MTOR: variants seen among roughly 807,000 people sequenced by gnomAD.
MTOR encodes mechanistic target of rapamycin kinase.
In MTOR, 70 loss-of-function variants were observed where a neutral mutation model predicts 319.8. The observed-to-expected ratio is 0.22, with a 90% CI of 0.18 to 0.27. The LOEUF is 0.27. MTOR is among the 10% of genes least tolerant of loss of function. The pLI, the probability that MTOR is intolerant of heterozygous loss-of-function variation, is 1.00. For synonymous variants in MTOR, 1,183 were observed against 1,211.4 expected (o/e 0.98, Z 0.49); for missense variants, 1,890 against 3,274.4 (o/e 0.58, Z 10.32).
At chr1:11,238,746 G>A (rs1039023725) in intron 11 of MTOR, 129 bp from the exon 12 acceptor site, 41 of 717,472 alleles carry the variant, frequency 5.7e-5, no homozygotes, top group African/African-American at 3.6e-5. Flanking sequence ...TGATCAATAC[G>A]ATACTGACCC....
rs1285698221 is a variant in MTOR at position 11,172,253 on chromosome 1, A to C, written c.4254-4736T>G. Among the ~76,000 whole-genome samples the C allele has an allele frequency of 2.6e-5, 4 of 152,126 alleles. No individual in the cohort carries two copies. In the East Asian group the frequency reaches 7.8e-4, roughly 30 times the overall value. On this transcript the variant is annotated intron_variant, in intron 28 of 57. Transcript: ENST00000361445. ...AGCTCTTATTGAGCAGTAAGAACAT[A>C]ATCATTAAAAAATTACAACTTTGGC...
intron 5 of MTOR, 43 bp downstream of exon 5, chr1:11,255,949 C>T (rs2100974503): frequency 2.5e-6 from 4 of 1,583,760 alleles, no homozygotes; most frequent in Non-Finnish European, 3.5e-6. Flanking sequence ...ATTCTCTACG[C>T]AGATGTGCTT....
In MTOR at chr1:11,114,823, T is replaced by C. The variant is rs754231875; in HGVS notation, c.7154A>G (p.Asn2385Ser). ...CCGATATCCACTCACCTCCATAGCA[T>C]TGGTCAACATTCTTGTTAGTCTAAA... Reference protein sequence around the residue: ...IPFRLTRMLTNAMEVTGLDGN... With the variant: ...IPFRLTRMLTSAMEVTGLDGN... The change falls in exon 52 of 58, where the codon AAT becomes AGT. Residue 2385 changes from asparagine to serine, a missense_variant. By Grantham distance (46) the Asn-to-Ser change is conservative. Transcript: ENST00000361445. 2 of 1,614,126 alleles carry C rather than the reference T, an allele frequency of 1.2e-6. No homozygotes were observed. Among genetic ancestry groups the C allele is most frequent in the Non-Finnish European group, 1.7e-6 (2 of 1,179,988 alleles).
rs576733926 is a variant in MTOR, at chr1:11,209,368, G to A, written c.3745C>T (p.Pro1249Ser). 2 of 1,614,148 alleles carry A rather than the reference G, an allele frequency of 1.2e-6. No individual in the cohort carries two copies. Among genetic ancestry groups the A allele is most frequent in the Admixed American group, 1.7e-5 (1 of 60,022 alleles). ...TTCTTCATGGGTCCTGTTTCCACTG[G>A]TCCACTAGCCAATGCATCCCCTTGG... ...SGQGDALASG[P>S]VETGPMKKLH... Residue 1249 changes from proline to serine, a missense_variant, in exon 25 of 58, where the codon CCA becomes TCA. Physicochemically the swap from Pro to Ser is moderately conservative, Grantham distance 74. This residue lies in a region of MTOR where 115 missense variants were observed against 105.7 expected (regional missense o/e 1.09). Transcript: ENST00000361445.
intron 28 of MTOR, among the ~76,000 whole-genome samples, chr1:11,175,750 T>C (rs1015344567): frequency 6.6e-6 from 1 of 150,954 alleles, no homozygotes; most frequent in African/African-American, 2.4e-5. Context: ...TAGCAGGTTT[T>C]TTTTTTTTTT....
chr1:11,127,504 A>C lies in MTOR; in HGVS notation c.6216+120T>G. Reference sequence around the variant, plus strand: ...TCAGTGGAAAGGCCAGAGGAAAAGAAATCTGACAAAGGCCTTGGGTCACGT... The same window carrying C: ...TCAGTGGAAAGGCCAGAGGAAAAGACATCTGACAAAGGCCTTGGGTCACGT... On this transcript the variant is annotated intron_variant, in intron 44 of 57. Coordinates refer to ENST00000361445, the MANE Select transcript of MTOR (RefSeq NM_004958.4). This position sits in a 1 kb window ranked among gnomAD's most constrained non-coding sequence, Gnocchi z 5.5. 1 of 1,217,534 alleles carries C rather than the reference A, an allele frequency of 8.2e-7. No homozygotes were observed. Among genetic ancestry groups the C allele is most frequent in the Non-Finnish European group, 1.1e-6 (1 of 886,016 alleles). 75.4% of individuals were successfully genotyped at this position (1,217,534 alleles called of 1,614,324 possible). A position where few individuals can be genotyped will look rare whatever the true frequency, so the allele number is the denominator to read the frequency against.
At chr1:11,137,915 T>C (rs1190850491) in intron 36 of MTOR, among the ~76,000 whole-genome samples, 1 of 152,232 alleles carries the variant, frequency 6.6e-6, no homozygotes, top group Non-Finnish European at 1.5e-5. Flanking sequence ...TCTTGCTCAG[T>C]AGCACAATTA....
In MTOR at chr1:11,128,923, G is replaced by A; in HGVS notation, c.5743C>T (p.His1915Tyr). The change falls in exon 41 of 58, where the codon CAC becomes TAC. Residue 1915 changes from histidine (H) to tyrosine (Y), a missense_variant. Physicochemically the swap from His to Tyr is moderately conservative, Grantham distance 83. Transcript: ENST00000361445. The surrounding 1 kb of genome is among the most constrained non-coding windows in gnomAD (Gnocchi z 5.3). Reference sequence around the variant, plus strand: ...AAGGCCTCATTGACATCTGGCCAGTGACCATAATCAAACCATAAGGTGAGA... The same window carrying A: ...AAGGCCTCATTGACATCTGGCCAGTAACCATAATCAAACCATAAGGTGAGA... ...RVLTLWFDYGHWPDVNEALVE... is the reference protein window; with the variant it reads ...RVLTLWFDYGYWPDVNEALVE... 6.2e-7 allele frequency: 1 copy of A among 1,613,772 alleles called. No homozygotes were observed. Among genetic ancestry groups the A allele is most frequent in the Non-Finnish European group, 8.5e-7 (1 of 1,179,856 alleles).
rs1212277248 is a variant in MTOR, at chr1:11,133,290, C to T, written c.5247-93G>A. On this transcript the variant is annotated intron_variant, in intron 37 of 57. Coordinates refer to ENST00000361445, the MANE Select transcript of MTOR (RefSeq NM_004958.4). This position sits in a 1 kb window ranked among gnomAD's most constrained non-coding sequence, Gnocchi z 4.0. ...ATTGTTAGGGGACACTGAAGCCCTT[C>T]TGGTATTTCCTCTTATTCTCAAGAG... 9.2e-7 allele frequency: 1 copy of T among 1,092,348 alleles called. No individual in the cohort carries two copies. Among genetic ancestry groups the T allele is most frequent in the Non-Finnish European group, 1.4e-6 (1 of 726,696 alleles). 67.7% of individuals were successfully genotyped at this position (1,092,348 alleles called of 1,614,324 possible).
At position 11,247,939 on chromosome 1, in the gene MTOR, C is replaced by A; in HGVS notation, c.996G>T (p.Gly332=). The A allele has an allele frequency of 6.2e-7, 1 of 1,614,148 alleles. No homozygotes were observed. The highest frequency in any genetic ancestry group is 8.5e-7 in the Non-Finnish European group (1 of 1,180,028). The change falls in exon 7 of 58, where the codon GGG becomes GGT. Residue 332 remains glycine, a synonymous_variant. Coordinates refer to ENST00000361445, the MANE Select transcript of MTOR (RefSeq NM_004958.4). The part of the protein sequence containing the change: ...VQPQQSNALV[G]LLGYSSHQGL... ...CTTGGTGAGAGCTGTACCCCAGCAG[C>A]CCCACCAAGGCATTTGACTGCTGGG...
chr1:11,220,065 G>GAAAAAAAAAA (rs143599037), intron 19 of MTOR, among the ~76,000 whole-genome samples: 1 of 107,836 alleles, frequency 9.3e-6, no homozygotes, highest in Admixed American at 1.4e-4. Flanking sequence ...AGAAAAGAAA[G>GAAAAAAAAAA]AAAAAAAAAA....
chr1:11,138,546 A>C (rs971749647), intron 36 of MTOR, among the ~76,000 whole-genome samples: 10 of 152,190 alleles, frequency 6.6e-5, no homozygotes, highest in African/African-American at 2.4e-4. Context: ...CTATTTTATG[A>C]GATCTTCCCA....
chr1:11,160,092 A>ATTTATTTAT (rs1295859318), intron 29 of MTOR, among the ~76,000 whole-genome samples: 1 of 150,374 alleles, frequency 6.7e-6, no homozygotes, highest in Non-Finnish European at 1.5e-5. Flanking sequence ...TTATTTATTT[A>ATTTATTTAT]TTTATTTATT....
chr1:11,163,048 T>C (rs1644528368), intron 29 of MTOR, among the ~76,000 whole-genome samples: 1 of 152,084 alleles, frequency 6.6e-6, no homozygotes, highest in Non-Finnish European at 1.5e-5. Context: ...CCATCTCACG[T>C]GCAGACACAC....
At chr1:11,243,353 A>G (rs2100923195) in intron 8 of MTOR, 53 bp from the exon 9 acceptor site, 1 of 1,527,578 alleles carries the variant, frequency 6.5e-7, no homozygotes, top group Admixed American at 2.0e-5. Flanking sequence ...TAGGGTCTAC[A>G]TATCAACAGT....
chr1:11,134,589 G>T, intron 36 of MTOR, 123 bp from the exon 37 acceptor site: 1 of 737,626 alleles, frequency 1.4e-6, no homozygotes, highest in Non-Finnish European at 2.4e-6. Context: ...CTAGAGCACA[G>T]AATGATGACC....
rs993638733 is a variant in MTOR, at chr1:11,230,995, A to G, written c.2709T>C (p.Ile903=). The change falls in exon 18 of 58, where the codon ATT becomes ATC. Residue 903 remains isoleucine, a synonymous_variant. Transcript: ENST00000361445. The part of the protein sequence containing the change: ...ALDPYKHKVN[I]GMIDQSRDAS... ...CATCCCGGGACTGGTCTATCATGCC[A>G]ATGTTCACTTTGTGCTTGTAAGGAT... 13 of 1,614,160 alleles carry G rather than the reference A, an allele frequency of 8.1e-6. No individual in the cohort carries two copies. Among genetic ancestry groups the G allele is most frequent in the Non-Finnish European group, 1.1e-5 (13 of 1,180,034 alleles).
At chr1:11,151,547 G>T (rs569742598) in intron 30 of MTOR, among the ~76,000 whole-genome samples, 1 of 152,276 alleles carries the variant, frequency 6.6e-6, no homozygotes, top group Admixed American at 6.5e-5. Flanking sequence ...TCAGATGGCT[G>T]GGCTCCACCC....
intron 31 of MTOR, among the ~76,000 whole-genome samples, chr1:11,147,121 C>G (rs2100521773): frequency 6.6e-6 from 1 of 152,322 alleles, no homozygotes; most frequent in East Asian, 1.9e-4. Context: ...AGAACTCTCT[C>G]AGGTTTCTCC....
Sources: allele counts gnomAD v4.1 joint callset (sites outside exome capture counted in the v4.1 genomes callset), GRCh38; gene constraint gnomAD v4.1.1; regional missense constraint gnomAD v4.1.1; non-coding constraint Gnocchi (gnomAD v3.1); transcripts MANE v1.5; gene names NCBI Gene and HGNC (gene_info 2026-07-23, HGNC 2026-07-21).